FBXL18: variants seen among roughly 807,000 people sequenced by gnomAD.
FBXL18 encodes the protein F-box and leucine rich repeat protein 18.
In FBXL18, 36 loss-of-function variants were observed where a neutral mutation model predicts 46.0. The ratio of observed to expected loss-of-function variants is 0.78; its 90% CI spans 0.60 to 1.03. The LOEUF is 1.03. Among genes scored for constraint, FBXL18 ranks in the 50% least tolerant of loss-of-function variants. FBXL18 has a pLI of 0.00. For missense variants in FBXL18, 977 were observed against 1,004.1 expected (o/e 0.97, Z 0.36); for synonymous variants, 557 against 465.3 (o/e 1.20, Z -2.54).
chr7:5,489,555 G>C (rs533181110), intron 4 of FBXL18: 38 of 299,248 alleles, frequency 1.3e-4, no homozygotes, highest in South Asian at 1.1e-3. Context: ...CAGATCATGA[G>C]GTCAGGAGAT....
At chr7:5,485,334 G>A (rs1446576313) in intron 4 of FBXL18, among the ~76,000 whole-genome samples, 1 of 152,158 alleles carries the variant, frequency 6.6e-6, no homozygotes, top group Non-Finnish European at 1.5e-5. Context: ...CTCCTGTGCG[G>A]CTTCATAGTC....
chr7:5,513,757 C>G lies in FBXL18; in HGVS notation c.-83G>C, dbSNP rs1024924999. The G allele has an allele frequency of 4.1e-5, 63 of 1,531,656 alleles. No individual in the cohort carries two copies. Among genetic ancestry groups the G allele is most frequent in the Non-Finnish European group, 4.2e-5 (48 of 1,133,780 alleles). The allele number at this position is 1,531,656 out of a possible 1,614,324, so 94.9% of individuals were successfully genotyped here. A position where few individuals can be genotyped will look rare whatever the true frequency, so the allele number is the denominator to read the frequency against. ...CCCGGCTAGGGATGCTCGAAGCCGG[C>G]GCGTCCACCGCTCAACCGAGACCCC... On this transcript the variant is annotated 5_prime_UTR_variant, in exon 1 of 5. Coordinates refer to ENST00000382368, the MANE Select transcript of FBXL18 (RefSeq NM_024963.6).
chr7:5,497,616 G>A (rs533839790), intron 3 of FBXL18, among the ~76,000 whole-genome samples: 2 of 152,312 alleles, frequency 1.3e-5, no homozygotes, highest in East Asian at 3.9e-4. Flanking sequence ...CTGCTCCCGA[G>A]CAGACCCGGC....
chr7:5,454,809 G>T (rs1356827003), intron 4 of FBXL18, among the ~76,000 whole-genome samples: 2 of 152,192 alleles, frequency 1.3e-5, no homozygotes, highest in African/African-American at 2.4e-5. Flanking sequence ...GGAGGAGAAG[G>T]CGTCCCCAGG....
rs996181721 is a variant in FBXL18, at chr7:5,480,495, C to T, written c.*1280G>A. 4.4e-4 allele frequency: 66 copies of T among 148,896 alleles called. No homozygotes were observed. The highest frequency in any genetic ancestry group is 1.6e-3 in the African/African-American group (63 of 39,960). The allele number at this position is 148,896 out of a possible 1,614,324, so 9.2% of individuals were successfully genotyped here. On this transcript the variant is annotated 3_prime_UTR_variant, in exon 5 of 5. Coordinates refer to ENST00000382368, the MANE Select transcript of FBXL18 (RefSeq NM_024963.6). ...TGTTGCCCAGGCTGATCTCAAACTC[C>T]TGGGCTCAAGTGATCCTCCCAAAGT...
downstream of FBXL18, among the ~76,000 whole-genome samples, chr7:5,475,472 G>A (rs1159799753): frequency 2.6e-5 from 4 of 152,192 alleles, no homozygotes; most frequent in African/African-American, 9.7e-5. The surrounding 1 kb of genome is among the most constrained non-coding windows in gnomAD (Gnocchi z 4.2). Context: ...CTTTTGCAGT[G>A]TGTAGCCTGC....
intron 2 of FBXL18, among the ~76,000 whole-genome samples, chr7:5,503,572 C>G (rs957313913): frequency 6.6e-6 from 1 of 151,328 alleles, no homozygotes; most frequent in Admixed American, 6.6e-5. Flanking sequence ...GTTGTCCAGG[C>G]GGGTCTTGAA....
chr7:5,462,995 T>TATATATATATATATAA (rs1309862413), intron 4 of FBXL18, among the ~76,000 whole-genome samples: 27 of 31,812 alleles, frequency 8.5e-4, no homozygotes, highest in African/African-American at 2.2e-3. Flanking sequence ...TATATATATA[T>TATATATATATATATAA]AATATATATA....
At chr7:5,492,540 G>A (rs1276276919) in intron 3 of FBXL18, among the ~76,000 whole-genome samples, 3 of 151,840 alleles carry the variant, frequency 2.0e-5, no homozygotes, top group African/African-American at 7.3e-5. Context: ...GAGCTGCGAC[G>A]CCCCCCCACA....
chr7:5,495,798 G>C (rs1431860699), intron 3 of FBXL18: 1 of 474,198 alleles, frequency 2.1e-6, no homozygotes, highest in Admixed American at 2.3e-5. Flanking sequence ...TGCCGCAGAA[G>C]GCAGGAATCC....
intron 3 of FBXL18, 83 bp downstream of exon 3, chr7:5,500,405 C>A (rs1355527365): frequency 2.3e-6 from 3 of 1,318,102 alleles, no homozygotes; most frequent in East Asian, 2.3e-5. Flanking sequence ...GAGGGCAGGC[C>A]AGCCACCGAA....
At chr7:5,499,862 C>G (rs1378873973) in intron 3 of FBXL18, among the ~76,000 whole-genome samples, 5 of 151,750 alleles carry the variant, frequency 3.3e-5, no homozygotes, top group Non-Finnish European at 7.4e-5. Context: ...AGTTCAAGAC[C>G]AGTCTGGGCA....
chr7:5,506,256 CT>C (rs200542556), intron 1 of FBXL18, among the ~76,000 whole-genome samples: 175 of 100,600 alleles, frequency 1.7e-3, no homozygotes, highest in African/African-American at 4.1e-3. Flanking sequence ...TTTTTTTTTT[CT>C]TTTTTTTTTT....
chr7:5,504,980 A>C (rs1002765142), intron 2 of FBXL18, among the ~76,000 whole-genome samples: 6 of 148,418 alleles, frequency 4.0e-5, no homozygotes, highest in Non-Finnish European at 8.9e-5. Context: ...AACTGACAGT[A>C]CCAAGTGTTG....
downstream of FBXL18, among the ~76,000 whole-genome samples, chr7:5,472,861 C>T (rs1341397297): frequency 6.6e-6 from 1 of 152,130 alleles, no homozygotes; most frequent in East Asian, 1.9e-4. Flanking sequence ...TTGGGAGTGC[C>T]TTGTTATGTA....
At chr7:5,487,768 G>GGAC (rs1562689005) in intron 4 of FBXL18, among the ~76,000 whole-genome samples, 1 of 152,152 alleles carries the variant, frequency 6.6e-6, no homozygotes, top group Non-Finnish European at 1.5e-5. Context: ...CTGCGAACAC[G>GGAC]GACGCCTCAA....
intron 1 of FBXL18, among the ~76,000 whole-genome samples, chr7:5,508,440 TAAAA>T (rs11396812): frequency 7.5e-6 from 1 of 132,692 alleles, no homozygotes; most frequent in Non-Finnish European, 1.6e-5. Context: ...AGACTTTGTC[TAAAA>T]AAAAAAAAAA....
At position 5,504,804 on chromosome 7, in the gene FBXL18, T is replaced by C. The variant is rs368995167; in HGVS notation, c.237+608A>G. On this transcript the variant is annotated intron_variant, in intron 2 of 4. Coordinates refer to ENST00000382368, the MANE Select transcript of FBXL18 (RefSeq NM_024963.6). ...GGTGGCGGGCGCCTGTAGTCCCAGG[T>C]ACTCGGGAGGCTGAGGCAGGAGAAT... Among the ~76,000 whole-genome samples the C allele has an allele frequency of 7.5e-5, 11 of 146,880 alleles. No individual in the cohort carries two copies. In the East Asian group the frequency reaches 1.6e-3, roughly 22 times the overall value.
rs114156290 is a variant in FBXL18, at chr7:5,480,212, C to G, written c.*1563G>C. Reference sequence around the variant, plus strand: ...ACGGGGCATCTGTCACACGGAAACCCAGGAGGAGGAAGGCGGGCTGGACAA... The same window carrying G: ...ACGGGGCATCTGTCACACGGAAACCGAGGAGGAGGAAGGCGGGCTGGACAA... On this transcript the variant is annotated 3_prime_UTR_variant, in exon 5 of 5. Transcript: ENST00000382368. Among the ~76,000 whole-genome samples, 3,717 of 152,236 alleles carry G rather than the reference C, an allele frequency of 0.024. 159 individuals are homozygous for G. The highest frequency in any genetic ancestry group is 0.084 in the African/African-American group (3,487 of 41,530).
Sources: allele counts gnomAD v4.1 joint callset (sites outside exome capture counted in the v4.1 genomes callset), GRCh38; gene constraint gnomAD v4.1.1; non-coding constraint Gnocchi (gnomAD v3.1); transcripts MANE v1.5; gene names NCBI Gene and HGNC (gene_info 2026-07-23, HGNC 2026-07-21).